Variants in SHROOM4 observed in about 807,000 individuals in gnomAD.
The protein encoded by SHROOM4 is shroom family member 4.
Under a neutral mutation model 80.3 loss-of-function variants are expected in SHROOM4, and 17 were observed. The observed-to-expected ratio is 0.21, with a 90% CI of 0.14 to 0.32. The LOEUF (loss-of-function observed/expected upper bound fraction) is 0.32, where lower values mean the gene tolerates loss of function less well. SHROOM4 is among the 10% of genes least tolerant of loss of function. The pLI, the probability that SHROOM4 is intolerant of heterozygous loss-of-function variation, is 1.00. For synonymous variants in SHROOM4, 400 were observed against 437.5 expected (o/e 0.91, Z 1.07); for missense variants, 993 against 1,140.3 (o/e 0.87, Z 1.86).
intron 1 of SHROOM4, among the ~76,000 whole-genome samples, chrX:50,748,038 A>T (rs1934814108): frequency 8.9e-6 from 1 of 112,135 alleles, no homozygotes; most frequent in Non-Finnish European, 1.9e-5. Flanking sequence ...CTTTATTCTA[A>T]AGTGTCAAAA....
intron 4 of SHROOM4, among the ~76,000 whole-genome samples, chrX:50,631,076 A>T (rs997010278): frequency 5.4e-5 from 6 of 111,852 alleles, no homozygotes; most frequent in African/African-American, 1.9e-4. Flanking sequence ...AAAAAAAACA[A>T]AAAACAGAAA....
intron 6 of SHROOM4, among the ~76,000 whole-genome samples, chrX:50,605,694 A>G (rs906282296): frequency 7.1e-5 from 8 of 112,361 alleles, no homozygotes; most frequent in Non-Finnish European, 1.9e-5. Flanking sequence ...AGGAAGGCAA[A>G]ATAAGCATGG....
At position 50,595,739 on chromosome X, in the gene SHROOM4, C is replaced by A; in HGVS notation, c.*956G>T. The A allele has an allele frequency of 3.4e-6, 1 of 292,166 alleles. No individual in the cohort carries two copies. The highest frequency in any genetic ancestry group is 6.4e-6 in the Non-Finnish European group (1 of 157,110). The allele number at this position is 292,166 out of a possible 1,213,427, so 24.1% of individuals were successfully genotyped here. ...CAGGCTGATCTGCAGAAAATGCTTT[C>A]CTTCTGGGCTAACTTTTCCCTCTCC... On this transcript the variant is annotated 3_prime_UTR_variant, in exon 9 of 9. Transcript: ENST00000376020.
At chrX:50,763,557 TG>T (rs1557269087) in intron 1 of SHROOM4, among the ~76,000 whole-genome samples, 2 of 111,926 alleles carry the variant, frequency 1.8e-5, no homozygotes, top group Non-Finnish European at 3.8e-5. Context: ...GTGGTTTGCC[TG>T]GACTAATCTT....
chrX:50,671,510 C>T, intron 2 of SHROOM4, among the ~76,000 whole-genome samples: 1 of 112,409 alleles, frequency 8.9e-6, no homozygotes, highest in South Asian at 3.7e-4. Flanking sequence ...TCTACATCAG[C>T]ACTTGGTGCT....
At chrX:50,639,721 C>T (rs1557256813) in intron 2 of SHROOM4, among the ~76,000 whole-genome samples, 1 of 111,017 alleles carries the variant, frequency 9.0e-6, no homozygotes, top group African/African-American at 3.3e-5. Context: ...TGCCCCTCAC[C>T]CCAGCAGAAG....
At chrX:50,579,469 T>G in the SHROOM4 span, among the ~76,000 whole-genome samples, 1 of 111,699 alleles carries the variant, frequency 9.0e-6, no homozygotes, top group South Asian at 3.8e-4. Flanking sequence ...TGTATTTTCC[T>G]CCCCTCTATC....
chrX:50,738,433 T>C (rs1285941285), intron 1 of SHROOM4, among the ~76,000 whole-genome samples: 9 of 111,487 alleles, frequency 8.1e-5, no homozygotes, highest in Admixed American at 7.6e-4. Flanking sequence ...GAAAACCCCA[T>C]CGTCTCAGCC....
At chrX:50,807,240 G>C (rs1035134930) in intron 1 of SHROOM4, among the ~76,000 whole-genome samples, 1 of 112,079 alleles carries the variant, frequency 8.9e-6, no homozygotes, top group African/African-American at 3.2e-5. Flanking sequence ...GGGAGATGGG[G>C]AGAAAGAGGC....
chrX:50,611,981 GA>G (rs1265898415), intron 5 of SHROOM4, among the ~76,000 whole-genome samples: 1 of 110,811 alleles, frequency 9.0e-6, no homozygotes. Context: ...TAGTATGTAA[GA>G]ATGAATTAAA....
intron 1 of SHROOM4, among the ~76,000 whole-genome samples, chrX:50,774,299 GCAA>G (rs1935459509): frequency 9.0e-6 from 1 of 110,922 alleles, no homozygotes; most frequent in Non-Finnish European, 1.9e-5. Context: ...ATGGTATTAG[GCAA>G]CAACAACACT....
intron 1 of SHROOM4, among the ~76,000 whole-genome samples, chrX:50,706,489 T>C (rs989931701): frequency 3.6e-5 from 4 of 112,071 alleles, no homozygotes; most frequent in African/African-American, 6.5e-5. Flanking sequence ...GATCTCAGGA[T>C]ATCACCCTAT....
intron 1 of SHROOM4, among the ~76,000 whole-genome samples, chrX:50,702,809 A>G (rs7066716): frequency 3.0e-4 from 34 of 112,219 alleles, no homozygotes; most frequent in African/African-American, 9.7e-4. Context: ...TAATTAGATC[A>G]GATTCTAAGA....
At chrX:50,625,684 TCATGGC>T (rs1490623202) in intron 5 of SHROOM4, among the ~76,000 whole-genome samples, 1 of 111,827 alleles carries the variant, frequency 8.9e-6, no homozygotes, top group Non-Finnish European at 1.9e-5. Context: ...CCACATTCTG[TCATGGC>T]CAGATCACTT....
Position 50,814,091 on chromosome X carries a change from G to A in SHROOM4, c.-73C>T. ...CGTTGCCTCCGCCCCCAGCAGCTCC[G>A]CCACCATCGCCCTCCAGCTCTACGC... On this transcript the variant is annotated 5_prime_UTR_variant, in exon 1 of 9. Transcript: ENST00000376020. 1 of 693,145 alleles carries A rather than the reference G, an allele frequency of 1.4e-6. No homozygotes were observed. Among genetic ancestry groups the A allele is most frequent in the Non-Finnish European group, 2.3e-6 (1 of 436,608 alleles). 57.1% of individuals were successfully genotyped at this position (693,145 alleles called of 1,213,427 possible). A position where few individuals can be genotyped will look rare whatever the true frequency, so the allele number is the denominator to read the frequency against.
In SHROOM4 at chrX:50,592,302, G is replaced by C; in HGVS notation, c.*4393C>G. 1 of 283,053 alleles carries C rather than the reference G, an allele frequency of 3.5e-6. No homozygotes were observed. The highest frequency in any genetic ancestry group is 6.8e-6 in the Non-Finnish European group (1 of 147,964). The allele number at this position is 283,053 out of a possible 1,213,427, so 23.3% of individuals were successfully genotyped here. On this transcript the variant is annotated 3_prime_UTR_variant, in exon 9 of 9. Coordinates refer to ENST00000376020, the MANE Select transcript of SHROOM4 (RefSeq NM_020717.5). ...ATTCAGACTGCTATCACTGGGTTTG[G>C]GGTGGGCCTGGGATTCTGCCTAATA...
chrX:50,671,994 T>A (rs1281436379), intron 2 of SHROOM4, among the ~76,000 whole-genome samples: 5 of 112,190 alleles, frequency 4.5e-5, no homozygotes, highest in Non-Finnish European at 9.4e-5. Context: ...TTAATTGGTA[T>A]AATTTCAATG....
intron 1 of SHROOM4, among the ~76,000 whole-genome samples, chrX:50,703,387 A>G (rs782065370): frequency 3.6e-5 from 4 of 111,169 alleles, no homozygotes; most frequent in Non-Finnish European, 7.5e-5. Context: ...TTTCTTTCTT[A>G]CGGTCCCCAG....
chrX:50,594,001 G>C lies in SHROOM4; in HGVS notation c.*2694C>G, dbSNP rs1557246035. ...GGAGGGGTTGGGGGGACATGTGATA[G>C]TAACTCATGCACTGACTTCTCTATC... On this transcript the variant is annotated 3_prime_UTR_variant, in exon 9 of 9. Transcript: ENST00000376020. The C allele has an allele frequency of 8.9e-6, 1 of 111,975 alleles. No homozygotes were observed. The highest frequency in any genetic ancestry group is 2.8e-4 in the East Asian group (1 of 3,570). The allele number at this position is 111,975 out of a possible 1,213,427, so 9.2% of individuals were successfully genotyped here. A position where few individuals can be genotyped will look rare whatever the true frequency, so the allele number is the denominator to read the frequency against.
Sources: gnomAD v4.1 joint callset for allele counts (sites outside exome capture counted in the v4.1 genomes callset) on GRCh38, gnomAD v4.1.1 for gene constraint, MANE v1.5 for transcripts, NCBI Gene and HGNC (gene_info 2026-07-23, HGNC 2026-07-21) for gene names.